MTDH: variants seen among roughly 807,000 people sequenced by gnomAD.
MTDH encodes the protein protein LYRIC.
Under a neutral mutation model 72.7 loss-of-function variants are expected in MTDH, and 34 were observed. The ratio of observed to expected loss-of-function variants is 0.47; its 90% CI spans 0.36 to 0.62. The LOEUF (loss-of-function observed/expected upper bound fraction) is 0.62, where lower values mean the gene tolerates loss of function less well. Among genes scored for constraint, MTDH ranks in the 20% least tolerant of loss-of-function variants. The pLI, the probability that MTDH is intolerant of heterozygous loss-of-function variation, is 0.00. For missense variants in MTDH, 677 were observed against 699.4 expected (o/e 0.97, Z 0.36); for synonymous variants, 266 against 268.9 (o/e 0.99, Z 0.10).
chr8:97,683,901 T>C (rs2449523), intron 2 of MTDH, among the ~76,000 whole-genome samples: 71,526 of 151,730 alleles, frequency 0.47, 19,691 homozygotes, highest in African/African-American at 0.75. Flanking sequence ...CACCTGAGGT[T>C]GGAAGTTTGA....
At chr8:97,689,464 TAA>T (rs34009363) in intron 5 of MTDH, among the ~76,000 whole-genome samples, 11 of 142,968 alleles carry the variant, frequency 7.7e-5, no homozygotes, top group Admixed American at 6.9e-5. Context: ...GCTTGTATGT[TAA>T]AAAAAAAAAA....
intron 1 of MTDH, among the ~76,000 whole-genome samples, chr8:97,645,780 C>T (rs199544126): frequency 3.9e-5 from 6 of 152,142 alleles, no homozygotes; most frequent in African/African-American, 1.4e-4. Flanking sequence ...TTATATCTTT[C>T]ATAGTTTTAT....
In MTDH at chr8:97,724,747, A is replaced by T; in HGVS notation, c.*77A>T. ...TATGCTGTTTATGCAATAATTTGTG[A>T]ACATGTACAGAGTTTTATATAAATT... On this transcript the variant is annotated 3_prime_UTR_variant, in exon 12 of 12. Transcript: ENST00000336273. 8.9e-7 allele frequency: 1 copy of T among 1,129,444 alleles called. No homozygotes were observed. The allele number at this position is 1,129,444 out of a possible 1,614,324, so 70.0% of individuals were successfully genotyped here.
chr8:97,714,664 G>A (rs191886649), intron 9 of MTDH, among the ~76,000 whole-genome samples: 386 of 151,852 alleles, frequency 2.5e-3, no homozygotes, highest in Non-Finnish European at 3.5e-3. Context: ...ACATGCATAG[G>A]TTTTTTTAAA....
chr8:97,689,224 T>C, intron 5 of MTDH, 121 bp downstream of exon 5: 1 of 523,608 alleles, frequency 1.9e-6, no homozygotes, highest in South Asian at 3.9e-5. Context: ...TGATTTTTAA[T>C]TAATAAAGTA....
chr8:97,654,752 T>TAC lies in MTDH; in HGVS notation c.382-6306_382-6305dup, dbSNP rs531504303. On this transcript the variant is annotated intron_variant, in intron 1 of 11. Coordinates refer to ENST00000336273, the MANE Select transcript of MTDH (RefSeq NM_178812.4). The stretch of plus-strand genomic sequence containing the variant: ...TTTTTTATGATGAGGATTATATATA[T>TAC]ACACACACACACACAATGCCTCCTG... Among the ~76,000 whole-genome samples the TAC allele has an allele frequency of 3.6e-3, 547 of 151,564 alleles. 2 individuals are homozygous for TAC. The highest frequency in any genetic ancestry group is 0.01 in the African/African-American group (418 of 41,364).
At chr8:97,714,616 A>AG (rs1234841435) in intron 9 of MTDH, among the ~76,000 whole-genome samples, 1 of 152,144 alleles carries the variant, frequency 6.6e-6, no homozygotes, top group East Asian at 1.9e-4. Context: ...AAAAAAAAAA[A>AG]AAGATATTTT....
chr8:97,664,750 CTTCTTTCCTTTCTTTTTT>C (rs752625418), intron 2 of MTDH, among the ~76,000 whole-genome samples: 6 of 147,106 alleles, frequency 4.1e-5, no homozygotes, highest in Admixed American at 6.9e-5. Context: ...TCCTTCCTTC[CTTCTTTCCTTTCTTTTTT>C]TTCTTTCCTT....
At position 97,647,912 on chromosome 8, in the gene MTDH, C is replaced by G. The variant is rs1294812105; in HGVS notation, c.381+3025C>G. On this transcript the variant is annotated intron_variant, in intron 1 of 11. Coordinates refer to ENST00000336273, the MANE Select transcript of MTDH (RefSeq NM_178812.4). ...TGAGCTATGATCAGGTGACTGCACT[C>G]CAGCCTGGGCAACACAGCAAGACTC... Among the ~76,000 whole-genome samples the G allele has an allele frequency of 4.0e-5, 6 of 151,298 alleles. No individual in the cohort carries two copies. The East Asian group carries it at 1.2e-3, about 29-fold the overall frequency.
intron 6 of MTDH, among the ~76,000 whole-genome samples, chr8:97,697,050 A>G (rs1813862355): frequency 6.8e-6 from 1 of 147,554 alleles, no homozygotes; most frequent in Non-Finnish European, 1.5e-5. Flanking sequence ...GGTTGAAGCT[A>G]CAATGAGCAA....
rs1467887175 is a variant in MTDH at position 97,679,376 on chromosome 8, A to G, written c.484-7292A>G. ...AATAATAATAAAGTAGAAAGTACCA[A>G]AAACTGTAGAACTTTCTGATCTACA... On this transcript the variant is annotated intron_variant, in intron 2 of 11. Transcript: ENST00000336273. Among the ~76,000 whole-genome samples, 5 of 152,332 alleles carry G rather than the reference A, an allele frequency of 3.3e-5. No individual in the cohort carries two copies. The East Asian group carries it at 9.6e-4, about 29-fold the overall frequency.
intron 2 of MTDH, among the ~76,000 whole-genome samples, chr8:97,671,299 G>A (rs890054729): frequency 6.6e-6 from 1 of 151,986 alleles, no homozygotes; most frequent in Non-Finnish European, 1.5e-5. Context: ...ATTTGGGTTC[G>A]GACACAGATC....
rs1367807438 is a variant in MTDH at position 97,691,169 on chromosome 8, T to A, written c.1029T>A (p.Arg343=). ...GKDWGRSWSD[R]SIFSGIGSTA... ...ACTGGGGAAGGAGTTGGAGTGACCG[T>A]TCAATATTTTCTGGCATTGGTAAGA... Residue 343 remains arginine, a synonymous_variant, in exon 6 of 12, where the codon CGT becomes CGA. Coordinates refer to ENST00000336273, the MANE Select transcript of MTDH (RefSeq NM_178812.4). 2 of 1,603,738 alleles carry A rather than the reference T, an allele frequency of 1.2e-6. No homozygotes were observed. The highest frequency in any genetic ancestry group is 1.3e-5 in the African/African-American group (1 of 74,636).
At chr8:97,670,982 G>A (rs1368465851) in intron 2 of MTDH, among the ~76,000 whole-genome samples, 4 of 118,214 alleles carry the variant, frequency 3.4e-5, no homozygotes, top group South Asian at 2.8e-4. Flanking sequence ...TTTTTGAGAC[G>A]GAGTCTCGCT....
intron 10 of MTDH, among the ~76,000 whole-genome samples, chr8:97,722,367 T>C (rs1432849991): frequency 3.3e-5 from 5 of 152,146 alleles, no homozygotes; most frequent in African/African-American, 1.2e-4. Flanking sequence ...TTTGGGAGGC[T>C]GAGGCAGGCG....
At chr8:97,686,991 A>G (rs1377983689) in intron 3 of MTDH, among the ~76,000 whole-genome samples, 1 of 152,166 alleles carries the variant, frequency 6.6e-6, no homozygotes, top group Non-Finnish European at 1.5e-5. Context: ...ATTTTGAGCA[A>G]TTAAAAAGTC....
chr8:97,672,790 T>C (rs981393967), intron 2 of MTDH, among the ~76,000 whole-genome samples: 2 of 152,214 alleles, frequency 1.3e-5, no homozygotes, highest in African/African-American at 4.8e-5. Context: ...GTGAGAACCG[T>C]ATCTGGGGAA....
intron 9 of MTDH, among the ~76,000 whole-genome samples, chr8:97,715,798 C>T (rs1814844521): frequency 6.6e-6 from 1 of 152,034 alleles, no homozygotes; most frequent in African/African-American, 2.4e-5. Flanking sequence ...TAGTGGAGCT[C>T]CTTTTAAAAT....
chr8:97,713,848 T>C (rs1814735110), intron 9 of MTDH, 79 bp downstream of exon 9: 1 of 736,468 alleles, frequency 1.4e-6, no homozygotes. Context: ...ATGTTAAAAA[T>C]ACATAGAGAT....
Sources: gnomAD v4.1 joint callset for allele counts (sites outside exome capture counted in the v4.1 genomes callset) on GRCh38, gnomAD v4.1.1 for gene constraint, MANE v1.5 for transcripts, NCBI Gene and HGNC (gene_info 2026-07-23, HGNC 2026-07-21) for gene names.